The following ORC1 variants were observed in gnomAD, a reference collection of about 807,000 sequenced individuals.
The protein encoded by ORC1 is origin recognition complex, subunit 1 homolog.
Under a neutral mutation model 98.9 loss-of-function variants are expected in ORC1, and 61 were observed. That is an observed-to-expected ratio of 0.62 (90% CI 0.50 to 0.76). The LOEUF is 0.76. Among genes scored for constraint, ORC1 ranks in the 30% least tolerant of loss-of-function variants. The pLI is 0.00. For missense variants in ORC1, 979 were observed against 1,072.2 expected, an observed-to-expected ratio of 0.91 and a Z score of 1.21; for synonymous variants, 385 against 406.9, an observed-to-expected ratio of 0.95 and a Z score of 0.65.
rs575183405 is a variant in ORC1, at chr1:52,404,125, G to A, written c.-6+121C>T. The A allele has an allele frequency of 2.6e-5, 4 of 153,768 alleles. No homozygotes were observed. The East Asian group carries it at 7.7e-4, about 30-fold the overall frequency. 9.5% of individuals were successfully genotyped at this position (153,768 alleles called of 1,614,324 possible). A position where few individuals can be genotyped will look rare whatever the true frequency, so the allele number is the denominator to read the frequency against. On this transcript the variant is annotated intron_variant, in intron 1 of 16. Transcript: ENST00000371568. ...CAGAACAGTGCCTGGCACTGAACAG[G>A]CGCTTGGTACATGTCAGCTAAAAGA...
intron 14 of ORC1, among the ~76,000 whole-genome samples, chr1:52,377,560 C>T (rs970794307): frequency 6.6e-6 from 1 of 152,108 alleles, no homozygotes; most frequent in Non-Finnish European, 1.5e-5. Flanking sequence ...TAGGCATGAG[C>T]CACCCTACCC....
At chr1:52,380,188 A>G (rs1370810035) in intron 14 of ORC1, among the ~76,000 whole-genome samples, 1 of 152,206 alleles carries the variant, frequency 6.6e-6, no homozygotes, top group African/African-American at 2.4e-5. Flanking sequence ...AGGAGGAAAG[A>G]CAGTGATACT....
At chr1:52,408,668 C>A, upstream of ORC1, 1 of 1,614,160 alleles carries the variant, frequency 6.2e-7, no homozygotes, top group South Asian at 1.1e-5. Context: ...ATCGAAAAAT[C>A]AAGAGCCAGA....
intron 8 of ORC1, among the ~76,000 whole-genome samples, chr1:52,387,985 A>T (rs1198220166): frequency 1.1e-4 from 17 of 152,248 alleles, no homozygotes; most frequent in Admixed American, 1.1e-3. Flanking sequence ...GGAAGCAGAA[A>T]AGATGTTCAT....
upstream of ORC1, among the ~76,000 whole-genome samples, chr1:52,406,447 G>A (rs190710092): frequency 1.2e-3 from 187 of 152,334 alleles, no homozygotes; most frequent in African/African-American, 4.1e-3. Context: ...ACGCTCAGGG[G>A]TGAAAATCAA....
At chr1:52,385,390 G>C in intron 9 of ORC1, 128 bp from the exon 10 acceptor site, 1 of 772,280 alleles carries the variant, frequency 1.3e-6, no homozygotes, top group African/African-American at 1.7e-5. Flanking sequence ...AATTTCAAAT[G>C]CTAGAGAATC....
rs1005282326 is a variant in ORC1 at position 52,390,353 on chromosome 1, T to C, written c.1083-1032A>G. ...TAGTACTGGTATAAAAATAGGCACG[T>C]AGACCAATGGAACAGAACGGAGAAC... On this transcript the variant is annotated intron_variant, in intron 6 of 16. Coordinates refer to ENST00000371568, the MANE Select transcript of ORC1 (RefSeq NM_004153.4). 2.6e-5 allele frequency among the ~76,000 whole-genome samples: 4 copies of C among 152,206 alleles called. No individual in the cohort carries two copies. In the East Asian group the frequency reaches 5.8e-4, roughly 22 times the overall value.
chr1:52,409,264 G>C (rs115895752), upstream of ORC1, among the ~76,000 whole-genome samples: 767 of 152,310 alleles, frequency 5.0e-3, 8 homozygotes, highest in African/African-American at 0.017. Flanking sequence ...TGTCATAACA[G>C]AAGATAGGAA....
chr1:52,405,573 T>C, upstream of ORC1: 1 of 963,586 alleles, frequency 1.0e-6, no homozygotes. Context: ...GTTCTCCTAA[T>C]ATTACACTGT....
At chr1:52,394,194 TG>T (rs1366434163) in intron 5 of ORC1, among the ~76,000 whole-genome samples, 5 of 152,122 alleles carry the variant, frequency 3.3e-5, no homozygotes, top group Non-Finnish European at 7.3e-5. Flanking sequence ...CAAGTAACAA[TG>T]AGGCCAAGAT....
At position 52,374,876 on chromosome 1, in the gene ORC1, C is replaced by G; in HGVS notation, c.2325G>C (p.Gln775His). 1 of 1,613,766 alleles carries G rather than the reference C, an allele frequency of 6.2e-7. No homozygotes were observed. The highest frequency in any genetic ancestry group is 1.1e-5 in the South Asian group (1 of 91,070). Residue 775 changes from glutamine (Q) to histidine (H), a missense_variant, in exon 16 of 17, where the codon CAG becomes CAC. Physicochemically the swap from Gln to His is conservative, Grantham distance 24. Coordinates refer to ENST00000371568, the MANE Select transcript of ORC1 (RefSeq NM_004153.4). ...CTGCGAGGATGGCTCTCAGGAAGCT[C>G]TGTTCCAGAACAGAGGAATTTCTTA... ...TAIKNSSVLE[Q>H]SFLRAILAEF...
chr1:52,381,904 T>C (rs1285768582), intron 13 of ORC1, 143 bp from the exon 14 acceptor site: 7 of 785,260 alleles, frequency 8.9e-6, no homozygotes, highest in Middle Eastern at 3.5e-4. Context: ...ACCACTGCCT[T>C]TACTGACAAT....
intron 14 of ORC1, among the ~76,000 whole-genome samples, chr1:52,379,255 T>C (rs1647032025): frequency 6.7e-6 from 1 of 150,038 alleles, no homozygotes; most frequent in Non-Finnish European, 1.5e-5. Context: ...TTTTTTTTTT[T>C]TTTTCTGAGA....
intron 14 of ORC1, 120 bp downstream of exon 14, chr1:52,381,522 T>C (rs912458682): frequency 3.8e-6 from 4 of 1,060,812 alleles, no homozygotes; most frequent in East Asian, 2.7e-5. Context: ...TCTTTTTTGA[T>C]ATTTTTACAC....
chr1:52,377,434 T>C lies in ORC1; in HGVS notation c.2134-1835A>G, dbSNP rs560053227. On this transcript the variant is annotated intron_variant, in intron 14 of 16. Coordinates refer to ENST00000371568, the MANE Select transcript of ORC1 (RefSeq NM_004153.4). Reference sequence around the variant, plus strand: ...GGACTACAGGCACATGCCATCGCATTGGGCTAATTTTTAAATTTTTTGTAG... The same window carrying C: ...GGACTACAGGCACATGCCATCGCATCGGGCTAATTTTTAAATTTTTTGTAG... 2.0e-5 allele frequency among the ~76,000 whole-genome samples: 3 copies of C among 152,128 alleles called. No homozygotes were observed. The South Asian group carries it at 6.2e-4, about 32-fold the overall frequency.
In ORC1 at chr1:52,393,717, C is replaced by T. The variant is rs1291867337; in HGVS notation, c.808G>A (p.Glu270Lys). 1 of 1,613,872 alleles carries T rather than the reference C, an allele frequency of 6.2e-7. No individual in the cohort carries two copies. The highest frequency in any genetic ancestry group is 2.2e-5 in the East Asian group (1 of 44,894). ...GRIKRKVAFS[E>K]ITSPSKRSQP... ...GATCTCTTAGAAGGTGAGGTGATCTCCGAGAAGGCCACTTTCCGTTTTATT... is the reference window on the plus strand; with the variant it reads ...GATCTCTTAGAAGGTGAGGTGATCTTCGAGAAGGCCACTTTCCGTTTTATT... The change falls in exon 6 of 17, where the codon GAG (glutamate) becomes AAG (lysine). Residue 270 changes from glutamate (E) to lysine (K), a missense_variant. Coordinates refer to ENST00000371568, the MANE Select transcript of ORC1 (RefSeq NM_004153.4).
At chr1:52,391,841 T>C (rs1176339127) in intron 6 of ORC1, among the ~76,000 whole-genome samples, 1 of 149,998 alleles carries the variant, frequency 6.7e-6, no homozygotes, top group Non-Finnish European at 1.5e-5. Context: ...AAGGTTGTAG[T>C]GAGCCAAGAT....
At chr1:52,407,221 G>A (rs1472990109), upstream of ORC1, among the ~76,000 whole-genome samples, 9 of 152,140 alleles carry the variant, frequency 5.9e-5, no homozygotes, top group Admixed American at 5.2e-4. Flanking sequence ...ATTTCACCGC[G>A]TTAGCCAGGA....
At chr1:52,381,841 C>T (rs1647074873) in intron 13 of ORC1, 80 bp from the exon 14 acceptor site, 2 of 1,447,428 alleles carry the variant, frequency 1.4e-6, no homozygotes, top group East Asian at 2.3e-5. Flanking sequence ...CTTGGGCCCC[C>T]AAACCCAATT....
Sources: allele counts gnomAD v4.1 joint callset (sites outside exome capture counted in the v4.1 genomes callset), GRCh38; gene constraint gnomAD v4.1.1; transcripts MANE v1.5; gene names NCBI Gene and HGNC (gene_info 2026-07-23, HGNC 2026-07-21).